The following CYP2C19 variants were observed in gnomAD, a reference collection of about 807,000 sequenced individuals.
CYP2C19 encodes cytochrome P450 family 2 subfamily C member 19, also known as cytochrome P450 2C19.
A neutral mutation model predicts 40.9 loss-of-function variants in CYP2C19; 59 were observed. The observed-to-expected ratio is 1.44, with a 90% CI of 1.17 to 1.79. The LOEUF (loss-of-function observed/expected upper bound fraction) is 1.79, where lower values mean the gene tolerates loss of function less well. Ranked by LOEUF, CYP2C19 falls within the 40% of genes most tolerant of loss-of-function variation. The probability of loss-of-function intolerance (pLI) is 0.00; values close to 1 mark genes in which losing one functional copy is unlikely to be tolerated. For synonymous variants in CYP2C19, 253 were observed against 208.7 expected (o/e 1.21, Z -1.83); for missense variants, 754 against 596.9 (o/e 1.26, Z -2.74).
At chr10:94,788,473 C>T (rs1016450803) in intron 5 of CYP2C19, among the ~76,000 whole-genome samples, 2 of 152,052 alleles carry the variant, frequency 1.3e-5, no homozygotes, top group Admixed American at 1.3e-4. Flanking sequence ...GGTATATACG[C>T]ACCATGGTGG....
rs563978510 is a variant in CYP2C19, at chr10:94,834,560, T to C, written c.962-8277T>C. Among the ~76,000 whole-genome samples, 12 of 151,718 alleles carry C rather than the reference T, an allele frequency of 7.9e-5. No individual in the cohort carries two copies. The South Asian group carries it at 1.2e-3, about 16-fold the overall frequency. ...TTTTGGTTTTCTTTCTTTTTTCTTT[T>C]TTTTTTTTGTGCAGTTGCAAGATTT... On this transcript the variant is annotated intron_variant, in intron 6 of 8. Coordinates refer to ENST00000371321, the MANE Select transcript of CYP2C19 (RefSeq NM_000769.4).
chr10:94,807,656 C>T lies in CYP2C19; in HGVS notation c.820-12840C>T, dbSNP rs116608970. On this transcript the variant is annotated intron_variant, in intron 5 of 8. Transcript: ENST00000371321. ...TTGCTGATATAATCATAAGCATTTT[C>T]CATATACCTATTGGCCACTTGTATG... Among the ~76,000 whole-genome samples, 474 of 152,188 alleles carry T rather than the reference C, an allele frequency of 3.1e-3. 3 individuals carry two copies. The highest frequency in any genetic ancestry group is 0.011 in the African/African-American group (451 of 41,562).
chr10:94,818,066 A>G (rs1196792700), intron 5 of CYP2C19, among the ~76,000 whole-genome samples: 1 of 148,634 alleles, frequency 6.7e-6, no homozygotes, highest in Admixed American at 6.7e-5. Context: ...TGATTTTTGT[A>G]TAAGGTGTAA....
At chr10:94,840,004 A>T (rs77044967) in intron 6 of CYP2C19, among the ~76,000 whole-genome samples, 11,688 of 151,728 alleles carry the variant, frequency 0.077, 520 homozygotes, top group South Asian at 0.12. Context: ...TTTTTTGACT[A>T]AGAATAACTC....
At position 94,808,238 on chromosome 10, in the gene CYP2C19, G is replaced by A. The variant is rs1411792410; in HGVS notation, c.820-12258G>A. ...CATGGGTCCATGTGTCTGCTTTTAGGCCAGTATAATGTTATTTTAGATATT... is the reference window on the plus strand; with the variant it reads ...CATGGGTCCATGTGTCTGCTTTTAGACCAGTATAATGTTATTTTAGATATT... On this transcript the variant is annotated intron_variant, in intron 5 of 8. Coordinates refer to ENST00000371321, the MANE Select transcript of CYP2C19 (RefSeq NM_000769.4). Among the ~76,000 whole-genome samples, 5 of 151,806 alleles carry A rather than the reference G, an allele frequency of 3.3e-5. No homozygotes were observed. The South Asian group carries it at 8.3e-4, about 25-fold the overall frequency.
At chr10:94,816,318 T>C (rs1204116420) in intron 5 of CYP2C19, among the ~76,000 whole-genome samples, 3 of 151,744 alleles carry the variant, frequency 2.0e-5, no homozygotes, top group Non-Finnish European at 2.9e-5. Context: ...TTATTGTTTA[T>C]GCAAAACAAA....
chr10:94,820,748 TG>T (rs1849106361), intron 6 of CYP2C19, 111 bp downstream of exon 6: 14 of 1,338,062 alleles, frequency 1.0e-5, no homozygotes, highest in Non-Finnish European at 1.2e-5. Flanking sequence ...TAAATTTCTG[TG>T]CCCGCAGCTG....
At chr10:94,824,682 T>A (rs1849185367) in intron 6 of CYP2C19, among the ~76,000 whole-genome samples, 1 of 152,160 alleles carries the variant, frequency 6.6e-6, no homozygotes, top group South Asian at 2.1e-4. Context: ...ATACTTTAAG[T>A]TTTAGGGTAC....
chr10:94,820,391 A>T, intron 5 of CYP2C19, 105 bp from the exon 6 acceptor site: 1 of 1,313,922 alleles, frequency 7.6e-7, no homozygotes, highest in Non-Finnish European at 1.1e-6. Flanking sequence ...ACTATACTTT[A>T]CAGTTTCTAT....
rs374493781 is a variant in CYP2C19, at chr10:94,842,951, T to A, written c.1076T>A (p.Ile359Asn). The change falls in exon 7 of 9, where the codon ATC becomes AAC. Residue 359 changes from isoleucine (I) to asparagine (N), a missense_variant. Coordinates refer to ENST00000371321, the MANE Select transcript of CYP2C19 (RefSeq NM_000769.4). The stretch of plus-strand genomic sequence containing the variant: ...GTGGTGCACGAGGTCCAGAGATACA[T>A]CGACCTCATCCCCACCAGCCTGCCC... ...DAVVHEVQRYIDLIPTSLPHA... is the reference protein window; with the variant it reads ...DAVVHEVQRYNDLIPTSLPHA... 13 of 1,614,102 alleles carry A rather than the reference T, an allele frequency of 8.1e-6. No individual in the cohort carries two copies. Among genetic ancestry groups the A allele is most frequent in the Non-Finnish European group, 8.5e-7 (1 of 1,180,050 alleles).
chr10:94,852,284 C>T lies in CYP2C19; in HGVS notation c.1292-449C>T, dbSNP rs116973737. On this transcript the variant is annotated intron_variant, in intron 8 of 8. Coordinates refer to ENST00000371321, the MANE Select transcript of CYP2C19 (RefSeq NM_000769.4). ...GACATGTGATTCTGAAAATACTTAG[C>T]GGGAAAAAAATCTTTGGCTGCATAC... 7.9e-5 allele frequency among the ~76,000 whole-genome samples: 12 copies of T among 152,102 alleles called. No individual in the cohort carries two copies. The South Asian group carries it at 8.3e-4, about 11-fold the overall frequency.
rs11813465 is a variant in CYP2C19 at position 94,811,379 on chromosome 10, T to C, written c.820-9117T>C. The stretch of plus-strand genomic sequence containing the variant: ...TCTGTTGATTTAGGGTGGAGAGTTC[T>C]TTAGATATCTATTATGCCCGCTTGG... On this transcript the variant is annotated intron_variant, in intron 5 of 8. Transcript: ENST00000371321. Among the ~76,000 whole-genome samples, 215 of 152,320 alleles carry C rather than the reference T, an allele frequency of 1.4e-3. 2 individuals are homozygous for C. Among genetic ancestry groups the C allele is most frequent in the African/African-American group, 4.8e-3 (198 of 41,584 alleles).
At chr10:94,764,088 T>C (rs1455863274) in intron 1 of CYP2C19, among the ~76,000 whole-genome samples, 1 of 151,820 alleles carries the variant, frequency 6.6e-6, no homozygotes, top group Admixed American at 6.6e-5. Context: ...TTGCGGTGAG[T>C]GTTATAGCTC....
chr10:94,801,969 A>G (rs1848772205), intron 5 of CYP2C19, among the ~76,000 whole-genome samples: 1 of 152,204 alleles, frequency 6.6e-6, no homozygotes, highest in African/African-American at 2.4e-5. Flanking sequence ...TGGAGAGCGA[A>G]AGAACAAAGC....
chr10:94,782,449 G>C (rs1308973359), intron 5 of CYP2C19, among the ~76,000 whole-genome samples: 1 of 152,076 alleles, frequency 6.6e-6, no homozygotes, highest in Non-Finnish European at 1.5e-5. Context: ...TCATTAAAAA[G>C]TCAGGATATA....
chr10:94,852,782 A>G lies in CYP2C19; in HGVS notation c.1341A>G (p.Leu447=), dbSNP rs1446458623. ...GCCTGGCCCGCATGGAGCTGTTTTT[A>G]TTCCTGACCTTCATTTTACAGAACT... ...GEGLARMELF[L]FLTFILQNFN... The change falls in exon 9 of 9, where the codon TTA becomes TTG. Residue 447 remains leucine, a synonymous_variant. Coordinates refer to ENST00000371321, the MANE Select transcript of CYP2C19 (RefSeq NM_000769.4). 6.2e-7 allele frequency: 1 copy of G among 1,614,048 alleles called. No individual in the cohort carries two copies. Among genetic ancestry groups the G allele is most frequent in the Non-Finnish European group, 8.5e-7 (1 of 1,179,948 alleles).
chr10:94,770,040 A>G (rs1295282447), intron 1 of CYP2C19, among the ~76,000 whole-genome samples: 2 of 152,192 alleles, frequency 1.3e-5, no homozygotes, highest in Non-Finnish European at 2.9e-5. Flanking sequence ...GATTTCTCAG[A>G]TGGTAACGGA....
chr10:94,772,488 G>A (rs578064310), intron 1 of CYP2C19, among the ~76,000 whole-genome samples: 18 of 152,138 alleles, frequency 1.2e-4, no homozygotes, highest in Non-Finnish European at 2.2e-4. Context: ...GCAGGCATTA[G>A]GACCCAGGAG....
chr10:94,839,047 T>G (rs1285295020), intron 6 of CYP2C19, among the ~76,000 whole-genome samples: 2 of 152,114 alleles, frequency 1.3e-5, no homozygotes, highest in African/African-American at 4.8e-5. Context: ...AAAAAGAACA[T>G]AGGGAAGCCA....
Sources: gnomAD v4.1 joint callset for allele counts (sites outside exome capture counted in the v4.1 genomes callset) on GRCh38, gnomAD v4.1.1 for gene constraint, MANE v1.5 for transcripts, NCBI Gene and HGNC (gene_info 2026-07-23, HGNC 2026-07-21) for gene names.